RNF125: variants seen among roughly 807,000 people sequenced by gnomAD.
RNF125 encodes ring finger protein 125, also known as E3 ubiquitin-protein ligase RNF125.
Under a neutral mutation model 26.0 loss-of-function variants are expected in RNF125, and 21 were observed. That is an observed-to-expected ratio of 0.81 (90% CI 0.57 to 1.16). The LOEUF (loss-of-function observed/expected upper bound fraction) is 1.16. Among genes scored for constraint, RNF125 ranks in the 50% most tolerant of loss-of-function variants. The probability of loss-of-function intolerance (pLI) is 0.00; values close to 1 mark genes in which losing one functional copy is unlikely to be tolerated. For synonymous variants in RNF125, 95 were observed against 109.2 expected, an observed-to-expected ratio of 0.87 and a Z score of 0.81; for missense variants, 270 against 299.4, an observed-to-expected ratio of 0.90 and a Z score of 0.72.
intron 4 of RNF125, among the ~76,000 whole-genome samples, chr18:32,057,776 G>T (rs1267972708): frequency 6.6e-6 from 1 of 151,978 alleles, no homozygotes; most frequent in East Asian, 1.9e-4. Context: ...TCTTTAAGGC[G>T]GTTGTTCTCA....
chr18:32,030,922 A>G (rs1308944684), intron 1 of RNF125: 1 of 152,096 alleles, frequency 6.6e-6, no homozygotes, highest in Non-Finnish European at 1.5e-5. Flanking sequence ...AGCTGGACTC[A>G]AACTCCTGGG....
intron 4 of RNF125, among the ~76,000 whole-genome samples, chr18:32,057,652 T>C (rs1034574687): frequency 5.9e-5 from 9 of 152,100 alleles, no homozygotes; most frequent in Non-Finnish European, 1.2e-4. Flanking sequence ...CTGTTTTTTT[T>C]ATAGGTACTG....
intron 1 of RNF125, among the ~76,000 whole-genome samples, chr18:32,020,719 G>GC (rs2038978659): frequency 6.6e-6 from 1 of 151,530 alleles, no homozygotes; most frequent in Non-Finnish European, 1.5e-5. Flanking sequence ...GACCAGCCTG[G>GC]CCGACATGGT....
At chr18:32,087,965 A>C in the RNF125 span, among the ~76,000 whole-genome samples, 25 of 152,220 alleles carry the variant, frequency 1.6e-4, no homozygotes, top group Admixed American at 6.5e-4. Context: ...CAAGTTCCCC[A>C]GTAAATCACC....
chr18:32,079,758 T>C, the RNF125 span, among the ~76,000 whole-genome samples: 1 of 152,212 alleles, frequency 6.6e-6, no homozygotes, highest in African/African-American at 2.4e-5. Flanking sequence ...AGACAACTTC[T>C]CTCCTGGACA....
At chr18:32,025,663 T>TC in intron 1 of RNF125, among the ~76,000 whole-genome samples, 1 of 75,260 alleles carries the variant, frequency 1.3e-5, no homozygotes, top group Non-Finnish European at 2.2e-5. Flanking sequence ...AAACTCTGTC[T>TC]CAAAAAAAAA....
intron 1 of RNF125, among the ~76,000 whole-genome samples, chr18:32,033,523 TCA>T (rs386802171): frequency 1.4e-5 from 1 of 69,712 alleles, no homozygotes; most frequent in African/African-American, 4.9e-5. Flanking sequence ...AGACTCCACC[TCA>T]AAAAAAAAAA....
At chr18:32,027,442 A>G (rs779625040) in intron 1 of RNF125, among the ~76,000 whole-genome samples, 7 of 152,174 alleles carry the variant, frequency 4.6e-5, no homozygotes, top group Non-Finnish European at 4.4e-5. Flanking sequence ...TTTTAAATAT[A>G]GCCATTCATT....
At chr18:32,028,297 TAAAAAAAAAA>T (rs1156859954) in intron 1 of RNF125, among the ~76,000 whole-genome samples, 30 of 72,396 alleles carry the variant, frequency 4.1e-4, no homozygotes, top group East Asian at 2.2e-3. Context: ...GACTCCGTCT[TAAAAAAAAAA>T]AAAAAAAAAA....
At chr18:32,048,109 A>T (rs563181954) in intron 4 of RNF125, among the ~76,000 whole-genome samples, 43 of 151,880 alleles carry the variant, frequency 2.8e-4, no homozygotes, top group Non-Finnish European at 4.6e-4. Context: ...AGCCTGGGTG[A>T]TAAAACAAGA....
rs149458464 is a variant in RNF125, at chr18:32,044,362, A to T, written c.414-1280A>T. ...AATTTTCTAGTAGCGACATTTAAAC[A>T]AATAAGAAGATAAAGTTTAAATTAC... On this transcript the variant is annotated intron_variant, in intron 3 of 5. Transcript: ENST00000217740. Among the ~76,000 whole-genome samples, 1,024 of 152,326 alleles carry T rather than the reference A, an allele frequency of 6.7e-3. 16 individuals carry two copies. The highest frequency in any genetic ancestry group is 0.021 in the African/African-American group (885 of 41,572).
intron 1 of RNF125, 58 bp from the exon 2 acceptor site, chr18:32,037,058 G>A (rs2039162953): frequency 6.8e-7 from 1 of 1,461,392 alleles, no homozygotes; most frequent in Non-Finnish European, 9.3e-7. Context: ...TGAATACATG[G>A]TGGTGGCTCC....
the RNF125 span, among the ~76,000 whole-genome samples, chr18:32,084,119 G>C: frequency 6.6e-6 from 1 of 152,150 alleles, no homozygotes; most frequent in Non-Finnish European, 1.5e-5. Flanking sequence ...ACTTTGGGAG[G>C]CCGACGCAGG....
chr18:32,037,338 T>A, intron 2 of RNF125, 69 bp downstream of exon 2: 13 of 768,944 alleles, frequency 1.7e-5, no homozygotes, highest in Non-Finnish European at 2.6e-5. Flanking sequence ...TCATTTCACC[T>A]CTGCTTCTGA....
intron 1 of RNF125, among the ~76,000 whole-genome samples, chr18:32,033,853 G>A (rs2144454743): frequency 6.6e-6 from 1 of 151,912 alleles, no homozygotes; most frequent in Middle Eastern, 3.4e-3. Context: ...AAAGTAGAAG[G>A]GAAAGGTGTT....
At chr18:32,077,903 C>A (rs2039581028), downstream of RNF125, among the ~76,000 whole-genome samples, 1 of 151,946 alleles carries the variant, frequency 6.6e-6, no homozygotes, top group Non-Finnish European at 1.5e-5. Flanking sequence ...ATCCTCCTAC[C>A]TCAGCCTCCT....
At chr18:32,041,311 G>A (rs751810022) in intron 2 of RNF125, among the ~76,000 whole-genome samples, 1 of 152,128 alleles carries the variant, frequency 6.6e-6, no homozygotes, top group Non-Finnish European at 1.5e-5. Flanking sequence ...AGTATACTGT[G>A]TATTGTGAAT....
intron 4 of RNF125, among the ~76,000 whole-genome samples, chr18:32,052,965 A>T (rs2039343116): frequency 1.3e-5 from 2 of 152,226 alleles, no homozygotes; most frequent in Non-Finnish European, 2.9e-5. Context: ...ACTTAAGAAA[A>T]GGGTACCAGA....
intron 1 of RNF125, among the ~76,000 whole-genome samples, chr18:32,021,591 C>G (rs553799690): frequency 1.3e-5 from 2 of 152,250 alleles, no homozygotes; most frequent in South Asian, 4.1e-4. Context: ...AAAGATATCT[C>G]CATTTAAATT....
Sources: allele counts gnomAD v4.1 joint callset (sites outside exome capture counted in the v4.1 genomes callset), GRCh38; gene constraint gnomAD v4.1.1; transcripts MANE v1.5; gene names NCBI Gene and HGNC (gene_info 2026-07-23, HGNC 2026-07-21).